Variants in TBC1D22A observed in about 807,000 individuals in gnomAD.
TBC1D22A encodes the protein putative GTPase activator.
In TBC1D22A, 38 loss-of-function variants were observed where a neutral mutation model predicts 60.2. The observed-to-expected ratio is 0.63, with a 90% CI of 0.49 to 0.83. TBC1D22A has a LOEUF of 0.83. Ranked by LOEUF, TBC1D22A falls within the 40% of genes least tolerant of loss-of-function variation. The pLI is 0.00. For missense variants in TBC1D22A, 628 were observed against 701.0 expected, an observed-to-expected ratio of 0.90 and a Z score of 1.18; for synonymous variants, 302 against 281.7, an observed-to-expected ratio of 1.07 and a Z score of -0.72.
intron 11 of TBC1D22A, among the ~76,000 whole-genome samples, chr22:47,065,942 A>G (rs978706050): frequency 2.0e-5 from 3 of 152,176 alleles, no homozygotes; most frequent in Non-Finnish European, 4.4e-5. Context: ...CACTGGACCC[A>G]TGCCTAGCAG....
chr22:46,803,528 C>G (rs989655763), intron 4 of TBC1D22A, among the ~76,000 whole-genome samples: 3 of 152,324 alleles, frequency 2.0e-5, no homozygotes, highest in African/African-American at 7.2e-5. Flanking sequence ...CGTTCAGCGT[C>G]GCCCTCTAGT....
chr22:46,922,443 T>C (rs969090515), intron 8 of TBC1D22A, among the ~76,000 whole-genome samples: 1 of 152,248 alleles, frequency 6.6e-6, no homozygotes, highest in Non-Finnish European at 1.5e-5. Context: ...TTAAAATAGT[T>C]TTTTTTCCTA....
intron 4 of TBC1D22A, among the ~76,000 whole-genome samples, chr22:46,817,881 A>G (rs1023220232): frequency 6.6e-6 from 1 of 152,208 alleles, no homozygotes; most frequent in Non-Finnish European, 1.5e-5. Context: ...CCAGCAGTGT[A>G]AAAGTATTCC....
At chr22:47,172,116 A>C (rs2068506506) in intron 12 of TBC1D22A, among the ~76,000 whole-genome samples, 1 of 143,740 alleles carries the variant, frequency 7.0e-6, no homozygotes, top group African/African-American at 2.5e-5. Context: ...GCTCACCCAG[A>C]GTGCCCAGTG....
At chr22:46,922,964 A>C (rs1440424418) in intron 8 of TBC1D22A, among the ~76,000 whole-genome samples, 2 of 152,124 alleles carry the variant, frequency 1.3e-5, no homozygotes, top group African/African-American at 4.8e-5. Context: ...ACTCTATTGA[A>C]TAGGAGTTTT....
intron 8 of TBC1D22A, among the ~76,000 whole-genome samples, chr22:46,927,763 A>G (rs1160669702): frequency 6.6e-6 from 1 of 152,252 alleles, no homozygotes; most frequent in African/African-American, 2.4e-5. Context: ...AAGATTAAAA[A>G]ATCGGTTACA....
chr22:46,941,678 C>T (rs1229890115), intron 8 of TBC1D22A, among the ~76,000 whole-genome samples: 1 of 144,462 alleles, frequency 6.9e-6, no homozygotes. Flanking sequence ...AATATATATA[C>T]GGAATATATA....
At position 47,038,616 on chromosome 22, in the gene TBC1D22A, G is replaced by A. The variant is rs185825445; in HGVS notation, c.1329+1418G>A. ...TTTTGTGTGAGTCATCTAGAACAGT[G>A]CCCCAAAGCTTTGTTCCTGACACCG... On this transcript the variant is annotated intron_variant, in intron 11 of 12. Coordinates refer to ENST00000337137, the MANE Select transcript of TBC1D22A (RefSeq NM_014346.5). Among the ~76,000 whole-genome samples, 8 of 152,294 alleles carry A rather than the reference G, an allele frequency of 5.3e-5. No homozygotes were observed. In the East Asian group the frequency reaches 1.2e-3, roughly 22 times the overall value.
At chr22:46,964,903 G>A (rs530844183) in intron 8 of TBC1D22A, among the ~76,000 whole-genome samples, 97 of 152,378 alleles carry the variant, frequency 6.4e-4, no homozygotes, top group Admixed American at 1.2e-3. Flanking sequence ...CCACAGCCAC[G>A]CTGGGCACTG....
intron 4 of TBC1D22A, among the ~76,000 whole-genome samples, chr22:46,854,943 A>G (rs996209260): frequency 1.3e-5 from 2 of 152,204 alleles, no homozygotes; most frequent in African/African-American, 2.4e-5. Flanking sequence ...ATATGATAAA[A>G]CATAGAATAC....
chr22:46,977,855 T>C (rs2074363020), intron 9 of TBC1D22A, among the ~76,000 whole-genome samples: 1 of 152,154 alleles, frequency 6.6e-6, no homozygotes, highest in Non-Finnish European at 1.5e-5. Flanking sequence ...GGGATGGTGC[T>C]AACCCATTAG....
rs372661631 is a variant in TBC1D22A, at chr22:47,111,549, C to T, written c.1371C>T (p.Cys457=). 83 of 1,613,978 alleles carry T rather than the reference C, an allele frequency of 5.1e-5. 1 individual carries two copies. Among genetic ancestry groups the T allele is most frequent in the South Asian group, 1.4e-4 (13 of 91,068 alleles). ...DGFSHFHLYV[C]AAFLVRWRKE... is the part of the protein sequence containing the mutation. ...TTTCTCATTTCCACTTGTACGTGTG[C>T]GCTGCTTTTCTCGTGAGATGGAGGA... Residue 457 remains cysteine (C), a synonymous_variant, in exon 12 of 13, where the codon TGC becomes TGT. Coordinates refer to ENST00000337137, the MANE Select transcript of TBC1D22A (RefSeq NM_014346.5).
At chr22:46,849,864 C>T (rs577721929) in intron 4 of TBC1D22A, among the ~76,000 whole-genome samples, 8 of 152,252 alleles carry the variant, frequency 5.3e-5, no homozygotes, top group East Asian at 3.9e-4. Flanking sequence ...GGTGGATTGC[C>T]GAACATGCCT....
At chr22:47,095,201 TG>T (rs1171892574) in intron 11 of TBC1D22A, among the ~76,000 whole-genome samples, 1 of 152,272 alleles carries the variant, frequency 6.6e-6, no homozygotes, top group Non-Finnish European at 1.5e-5. Flanking sequence ...GCAAAGATTT[TG>T]CTTGTGCAGC....
intron 4 of TBC1D22A, among the ~76,000 whole-genome samples, chr22:46,846,944 C>G (rs761360209): frequency 6.6e-6 from 1 of 152,236 alleles, no homozygotes; most frequent in Non-Finnish European, 1.5e-5. Context: ...GTTTTCAGAA[C>G]CCGGTGCTGG....
At chr22:47,148,179 C>T (rs369462653) in intron 12 of TBC1D22A, among the ~76,000 whole-genome samples, 230 of 152,178 alleles carry the variant, frequency 1.5e-3, no homozygotes, top group Middle Eastern at 0.01. Flanking sequence ...ACCACCCCAT[C>T]GGACAGGTGG....
chr22:46,925,104 G>A (rs1444779856), intron 8 of TBC1D22A, among the ~76,000 whole-genome samples: 1 of 152,198 alleles, frequency 6.6e-6, no homozygotes, highest in African/African-American at 2.4e-5. Flanking sequence ...AGAATGATTT[G>A]TTTTAGCTTT....
intron 1 of TBC1D22A, among the ~76,000 whole-genome samples, chr22:46,785,625 C>G (rs149331732): frequency 6.6e-6 from 1 of 152,298 alleles, no homozygotes; most frequent in East Asian, 1.9e-4. Context: ...TTCTAGTCCC[C>G]AAGTAACCAC....
rs1840639795 is a variant in TBC1D22A, at chr22:47,028,946, T to TAA, written c.1202-8125_1202-8124insAA. On this transcript the variant is annotated intron_variant, in intron 10 of 12. Transcript: ENST00000337137. The surrounding 1 kb of genome is among the most constrained non-coding windows in gnomAD (Gnocchi z 4.4). ...AGTCCTTAACAAGAGCACCCTCACT[T>TAA]CAGACTCCAGCTGCACCTCAGTGGT... Among the ~76,000 whole-genome samples the TAA allele has an allele frequency of 6.6e-6, 1 of 152,166 alleles. No individual in the cohort carries two copies. Among genetic ancestry groups the TAA allele is most frequent in the South Asian group, 2.1e-4 (1 of 4,826 alleles).
Sources: gnomAD v4.1 joint callset for allele counts (sites outside exome capture counted in the v4.1 genomes callset) on GRCh38, gnomAD v4.1.1 for gene constraint, Gnocchi (gnomAD v3.1) non-coding constraint, MANE v1.5 for transcripts, NCBI Gene and HGNC (gene_info 2026-07-23, HGNC 2026-07-21) for gene names.